Variants in GPC3 observed in about 807,000 individuals in gnomAD.
GPC3 encodes glypican 3, also known as glypican-3.
In GPC3, 3 loss-of-function variants were observed where a neutral mutation model predicts 34.4. That is an observed-to-expected ratio of 0.09 (90% confidence interval 0.04 to 0.23). The LOEUF is 0.23. Among genes scored for constraint, GPC3 ranks in the 10% least tolerant of loss-of-function variants. The probability of loss-of-function intolerance (pLI) is 1.00; values close to 1 mark genes in which losing one functional copy is unlikely to be tolerated. For missense variants in GPC3, 351 were observed against 445.6 expected (o/e 0.79, Z 1.91); for synonymous variants, 177 against 174.0 (o/e 1.02, Z -0.13).
Position 133,711,953 on chromosome X carries a change from A to C in GPC3, c.1033-11925T>G, listed in dbSNP as rs959069765. 5.3e-5 allele frequency among the ~76,000 whole-genome samples: 6 copies of C among 112,347 alleles called. No individual in the cohort carries two copies. In the Admixed American group the frequency reaches 5.7e-4, roughly 11 times the overall value. The stretch of plus-strand genomic sequence containing the variant: ...TTTTGTATCTATGTGAAAATATATG[A>C]AGTGAAAAAATTTTGTAGTCTTGTT... On this transcript the variant is annotated intron_variant, in intron 3 of 7. Transcript: ENST00000370818.
intron 5 of GPC3, among the ~76,000 whole-genome samples, chrX:133,664,689 A>ATTTTTCTGG (rs2070754120): frequency 1.8e-5 from 2 of 110,071 alleles, no homozygotes; most frequent in South Asian, 7.7e-4. Context: ...CACTTTTTGT[A>ATTTTTCTGG]TTTTTCTGGC....
At chrX:133,860,642 A>G (rs2075932026) in intron 2 of GPC3, among the ~76,000 whole-genome samples, 1 of 112,114 alleles carries the variant, frequency 8.9e-6, no homozygotes, top group African/African-American at 3.2e-5. Flanking sequence ...TGATTACTCT[A>G]GAGCTGATCA....
intron 2 of GPC3, among the ~76,000 whole-genome samples, chrX:133,948,210 A>G (rs1340880899): frequency 9.0e-6 from 1 of 111,609 alleles, no homozygotes; most frequent in Non-Finnish European, 1.9e-5. Flanking sequence ...TGTGAAGGAA[A>G]AAAGCTTTGC....
chrX:133,737,243 A>G (rs1443646183), intron 3 of GPC3, among the ~76,000 whole-genome samples: 1 of 112,353 alleles, frequency 8.9e-6, no homozygotes, highest in Admixed American at 9.4e-5. Context: ...CATTTTTATA[A>G]CAGTGAACCA....
chrX:133,730,852 T>C (rs957035481), intron 3 of GPC3, among the ~76,000 whole-genome samples: 1 of 111,782 alleles, frequency 8.9e-6, no homozygotes, highest in Non-Finnish European at 1.9e-5. Flanking sequence ...CCAGAAGCCA[T>C]GTTTTAGTTC....
In GPC3 at chrX:133,579,697, C is replaced by T. The variant is rs2069716922; in HGVS notation, c.1573+16743G>A. 2.7e-5 allele frequency among the ~76,000 whole-genome samples: 3 copies of T among 110,936 alleles called. No individual in the cohort carries two copies. The Admixed American group carries it at 2.9e-4, about 11-fold the overall frequency. ...TAGCTGGGACTACAGGCTCACACTA[C>T]CACACCCAGCTAATTTTTTGTAGAG... On this transcript the variant is annotated intron_variant, in intron 7 of 7. Transcript: ENST00000370818.
chrX:133,787,711 C>A (rs750574747), intron 2 of GPC3, among the ~76,000 whole-genome samples: 24 of 111,296 alleles, frequency 2.2e-4, no homozygotes, highest in Non-Finnish European at 3.6e-4. Context: ...AGCTTCTGGC[C>A]CCACCTCTGC....
At chrX:133,707,392 TC>T (rs2071227988) in intron 3 of GPC3, among the ~76,000 whole-genome samples, 1 of 111,942 alleles carries the variant, frequency 8.9e-6, no homozygotes, top group African/African-American at 3.2e-5. Context: ...TTTTTATGTT[TC>T]TGAAACATAT....
intron 7 of GPC3, among the ~76,000 whole-genome samples, chrX:133,576,114 T>C (rs2069677796): frequency 8.9e-6 from 1 of 112,274 alleles, no homozygotes; most frequent in East Asian, 2.8e-4. Context: ...CACAAGAGGA[T>C]TGTTGTCATC....
At chrX:133,936,771 G>A (rs914873272) in intron 2 of GPC3, among the ~76,000 whole-genome samples, 2 of 112,231 alleles carry the variant, frequency 1.8e-5, no homozygotes, top group African/African-American at 3.2e-5. Context: ...CCTGATTGAC[G>A]CAGTTATGTT....
At chrX:133,542,278 T>C (rs991278667) in intron 7 of GPC3, among the ~76,000 whole-genome samples, 9 of 111,896 alleles carry the variant, frequency 8.0e-5, no homozygotes, top group East Asian at 2.8e-4. Context: ...ACAACTTCCA[T>C]TGGAGGCAGT....
At chrX:133,651,620 C>T (rs929489794) in intron 6 of GPC3, among the ~76,000 whole-genome samples, 2 of 111,373 alleles carry the variant, frequency 1.8e-5, no homozygotes, top group Non-Finnish European at 3.8e-5. Context: ...ATTGTGTTAT[C>T]TATGTATTCA....
At chrX:133,806,769 C>T (rs896947710) in intron 2 of GPC3, among the ~76,000 whole-genome samples, 1 of 110,250 alleles carries the variant, frequency 9.1e-6, no homozygotes, top group Non-Finnish European at 1.9e-5. Flanking sequence ...CTGCCTCAGC[C>T]TCCCGAGTAG....
At chrX:133,793,167 G>T (rs928721457) in intron 2 of GPC3, among the ~76,000 whole-genome samples, 6 of 111,702 alleles carry the variant, frequency 5.4e-5, no homozygotes, top group African/African-American at 2.0e-4. Context: ...TTGTGACTTG[G>T]TGGAAATGCA....
chrX:133,743,450 C>T (rs186633088), intron 3 of GPC3, among the ~76,000 whole-genome samples: 1 of 112,523 alleles, frequency 8.9e-6, no homozygotes, highest in Admixed American at 9.4e-5. Flanking sequence ...AAACATTTTT[C>T]TGCCAGATAC....
At chrX:133,951,864 A>C (rs776259265) in intron 2 of GPC3, among the ~76,000 whole-genome samples, 10 of 111,874 alleles carry the variant, frequency 8.9e-5, no homozygotes, top group Admixed American at 8.6e-4. Flanking sequence ...TAAAGATTTC[A>C]TTATAATACA....
chrX:133,843,356 G>A (rs778094571), intron 2 of GPC3, among the ~76,000 whole-genome samples: 1 of 111,137 alleles, frequency 9.0e-6, no homozygotes, highest in South Asian at 3.9e-4. Context: ...GGTGAGATAT[G>A]GTTGTTTAAA....
chrX:133,724,867 C>T (rs900808571), intron 3 of GPC3, among the ~76,000 whole-genome samples: 1 of 112,072 alleles, frequency 8.9e-6, no homozygotes, highest in Non-Finnish European at 1.9e-5. Flanking sequence ...TGGACAAGAG[C>T]TTTGCTCTTT....
intron 3 of GPC3, among the ~76,000 whole-genome samples, chrX:133,715,047 C>CGTTT (rs1744288728): frequency 8.9e-6 from 1 of 111,756 alleles, no homozygotes; most frequent in Non-Finnish European, 1.9e-5. Flanking sequence ...AGGAGATTAA[C>CGTTT]GTTTCAGTCA....
Sources: gnomAD v4.1 joint callset for allele counts (sites outside exome capture counted in the v4.1 genomes callset) on GRCh38, gnomAD v4.1.1 for gene constraint, MANE v1.5 for transcripts, NCBI Gene and HGNC (gene_info 2026-07-23, HGNC 2026-07-21) for gene names.